Variants in SSU72 observed in about 807,000 individuals in gnomAD.
The protein encoded by SSU72 is SSU72 homolog, RNA polymerase II CTD phosphatase.
In SSU72, 12 loss-of-function variants were observed where a neutral mutation model predicts 22.7. The observed-to-expected ratio is 0.53, with a 90% confidence interval of 0.34 to 0.86. SSU72 has a LOEUF of 0.86. Among genes scored for constraint, SSU72 ranks in the 40% least tolerant of loss-of-function variants. SSU72 has a pLI of 0.02. For missense variants in SSU72, 151 were observed against 249.8 expected (o/e 0.60, Z 2.67); for synonymous variants, 116 against 98.3 (o/e 1.18, Z -1.06).
At chr1:1,550,385 T>C (rs548308233) in intron 2 of SSU72, among the ~76,000 whole-genome samples, 2 of 152,178 alleles carry the variant, frequency 1.3e-5, no homozygotes, top group African/African-American at 2.4e-5. Context: ...TTAAGGCACA[T>C]TTGTTCAATT....
Position 1,542,141 on chromosome 1 carries a change from G to C in SSU72, c.510C>G (p.Asn170Lys). The change falls in exon 5 of 5, where the codon AAC (asparagine) becomes AAG (lysine). Residue 170 changes from asparagine to lysine, a missense_variant. Asn to Lys is a moderately conservative substitution (Grantham distance 94). Transcript: ENST00000291386. This position sits in a 1 kb window ranked among gnomAD's most constrained non-coding sequence, Gnocchi z 4.4. ...ACTCCTGCAGCAGCTCGTCGATCTC[G>C]TTCTCCATGTCTTCCGTGTGCTGGA... Reference protein sequence around the residue: ...QCIQHTEDMENEIDELLQEFE... With the variant: ...QCIQHTEDMEKEIDELLQEFE... 1 of 1,591,568 alleles carries C rather than the reference G, an allele frequency of 6.3e-7. No homozygotes were observed. The highest frequency in any genetic ancestry group is 8.6e-7 in the Non-Finnish European group (1 of 1,169,196).
At chr1:1,548,160 G>T (rs1272108234) in intron 2 of SSU72, among the ~76,000 whole-genome samples, 7 of 152,194 alleles carry the variant, frequency 4.6e-5, no homozygotes, top group African/African-American at 1.7e-4. Flanking sequence ...GCTTTGCACA[G>T]TCCCTGCGGC....
chr1:1,574,720 C>G lies in SSU72; in HGVS notation c.-163G>C. ...GACTGCGCGGCGGCCTCCCCGCCCACCCTGGGCGCCGGGCCGCGGACGGAG... is the reference window on the plus strand; with the variant it reads ...GACTGCGCGGCGGCCTCCCCGCCCAGCCTGGGCGCCGGGCCGCGGACGGAG... On this transcript the variant is annotated 5_prime_UTR_variant, in exon 1 of 5. Transcript: ENST00000291386. 3.6e-6 allele frequency: 2 copies of G among 556,352 alleles called. No individual in the cohort carries two copies. The highest frequency in any genetic ancestry group is 5.5e-6 in the Non-Finnish European group (2 of 363,486). 34.5% of individuals were successfully genotyped at this position (556,352 alleles called of 1,614,324 possible).
At chr1:1,544,152 C>T (rs1351362508) in intron 3 of SSU72, among the ~76,000 whole-genome samples, 165 bp from the exon 4 acceptor site, 3 of 152,318 alleles carry the variant, frequency 2.0e-5, no homozygotes, top group South Asian at 4.1e-4. Context: ...AAACCGAAGG[C>T]GGCTGATGGT....
At chr1:1,556,961 G>C (rs1642528783) in intron 2 of SSU72, among the ~76,000 whole-genome samples, 1 of 152,208 alleles carries the variant, frequency 6.6e-6, no homozygotes, top group Non-Finnish European at 1.5e-5. Context: ...GAGCAGGCCA[G>C]TATCTCTGGC....
chr1:1,554,056 A>G lies in SSU72; in HGVS notation c.225-9054T>C, dbSNP rs983864046. 2.0e-5 allele frequency among the ~76,000 whole-genome samples: 3 copies of G among 152,214 alleles called. No homozygotes were observed. Among genetic ancestry groups the G allele is most frequent in the Non-Finnish European group, 4.4e-5 (3 of 68,032 alleles). On this transcript the variant is annotated intron_variant, in intron 2 of 4. Coordinates refer to ENST00000291386, the MANE Select transcript of SSU72 (RefSeq NM_014188.3). This position sits in a 1 kb window ranked among gnomAD's most constrained non-coding sequence, Gnocchi z 4.1. ...CAGGTGGCCACGGAGACCACGTGTC[A>G]GTGGCCAGGGCCTCTAAAGAGAAAC... is the stretch of plus-strand genomic sequence containing the variant.
At chr1:1,545,533 G>C (rs1187545411) in intron 2 of SSU72, 1 of 154,380 alleles carries the variant, frequency 6.5e-6, no homozygotes, top group African/African-American at 2.4e-5. Flanking sequence ...CTCCAGGCCG[G>C]GCGCAGTGGC....
chr1:1,549,183 C>T (rs1256339595), intron 2 of SSU72, among the ~76,000 whole-genome samples: 3 of 152,158 alleles, frequency 2.0e-5, no homozygotes, highest in African/African-American at 7.2e-5. Context: ...GCTTTCTGTC[C>T]ACACAGAGCA....
intron 1 of SSU72, among the ~76,000 whole-genome samples, chr1:1,569,431 C>T (rs182623806): frequency 8.5e-5 from 13 of 152,282 alleles, no homozygotes; most frequent in Admixed American, 2.0e-4. Flanking sequence ...TCGACACTTA[C>T]TATCACTTGG....
chr1:1,567,060 G>A (rs1642670397), intron 1 of SSU72, among the ~76,000 whole-genome samples: 1 of 152,168 alleles, frequency 6.6e-6, no homozygotes, highest in African/African-American at 2.4e-5. Flanking sequence ...TCTGCAACAT[G>A]GCTGCCTGCA....
intron 1 of SSU72, among the ~76,000 whole-genome samples, chr1:1,568,093 C>T (rs2100721777): frequency 6.6e-6 from 1 of 152,140 alleles, no homozygotes; most frequent in East Asian, 1.9e-4. Flanking sequence ...TCACGAATGG[C>T]AAAAAGGCTA....
rs766890258 is a variant in SSU72, at chr1:1,554,021, C to A, written c.225-9019G>T. On this transcript the variant is annotated intron_variant, in intron 2 of 4. Coordinates refer to ENST00000291386, the MANE Select transcript of SSU72 (RefSeq NM_014188.3). This position sits in a 1 kb window ranked among gnomAD's most constrained non-coding sequence, Gnocchi z 4.1. ...GTCAGTGGTGAGAACTCAGCAGGTCCGGGGGACGTCAGGTGGCCACGGAGA... is the reference window on the plus strand; with the variant it reads ...GTCAGTGGTGAGAACTCAGCAGGTCAGGGGGACGTCAGGTGGCCACGGAGA... Among the ~76,000 whole-genome samples, 1 of 152,168 alleles carries A rather than the reference C, an allele frequency of 6.6e-6. No individual in the cohort carries two copies. Among genetic ancestry groups the A allele is most frequent in the African/African-American group, 2.4e-5 (1 of 41,434 alleles).
intron 1 of SSU72, among the ~76,000 whole-genome samples, chr1:1,566,178 T>C (rs1013580530): frequency 2.6e-5 from 4 of 151,914 alleles, no homozygotes; most frequent in Non-Finnish European, 4.4e-5. Context: ...AGCATGAGAA[T>C]CGCTTGAACC....
intron 3 of SSU72, chr1:1,544,508 C>T (rs1642368097): frequency 4.5e-5 from 15 of 330,694 alleles, no homozygotes; most frequent in South Asian, 4.3e-4. Flanking sequence ...GTCCCAGCTA[C>T]TCGGGAGGCT....
intron 1 of SSU72, among the ~76,000 whole-genome samples, chr1:1,572,778 G>A (rs994238469): frequency 6.9e-6 from 1 of 145,918 alleles, no homozygotes; most frequent in Non-Finnish European, 1.5e-5. Context: ...TGTTATGCAG[G>A]TACAGCAGAA....
chr1:1,570,451 G>C (rs1450389683), intron 1 of SSU72, among the ~76,000 whole-genome samples: 1 of 151,524 alleles, frequency 6.6e-6, no homozygotes, highest in Non-Finnish European at 1.5e-5. Context: ...CGTTACCCCC[G>C]AGACCCCAGT....
Position 1,564,518 on chromosome 1 carries a change from C to A in SSU72, c.224+255G>T, listed in dbSNP as rs765901820. The A allele has an allele frequency of 3.9e-6, 6 of 1,528,132 alleles. No individual in the cohort carries two copies. The South Asian group carries it at 7.5e-5, about 19-fold the overall frequency. The allele number at this position is 1,528,132 out of a possible 1,614,324, so 94.7% of individuals were successfully genotyped here. A position where few individuals can be genotyped will look rare whatever the true frequency, so the allele number is the denominator to read the frequency against. On this transcript the variant is annotated intron_variant, in intron 2 of 4. Transcript: ENST00000291386. ...ATCCCTGGTCTACGCTATGTCACGA[C>A]CCTCTGCTGAACCACGTCAGGGTGA...
chr1:1,567,746 A>C (rs1041136556), intron 1 of SSU72, among the ~76,000 whole-genome samples: 2 of 151,770 alleles, frequency 1.3e-5, no homozygotes, highest in Non-Finnish European at 2.9e-5. Flanking sequence ...GTGAAACCCT[A>C]TCTCTACTAA....
At chr1:1,569,223 AAAAC>A (rs922451048) in intron 1 of SSU72, among the ~76,000 whole-genome samples, 24 of 152,252 alleles carry the variant, frequency 1.6e-4, no homozygotes, top group South Asian at 6.2e-4. Context: ...AAAAAGCCAC[AAAAC>A]AAACAAACAA....
Sources: allele counts gnomAD v4.1 joint callset (sites outside exome capture counted in the v4.1 genomes callset), GRCh38; gene constraint gnomAD v4.1.1; non-coding constraint Gnocchi (gnomAD v3.1); transcripts MANE v1.5; gene names NCBI Gene and HGNC (gene_info 2026-07-23, HGNC 2026-07-21).